Variants in SEC24B observed in about 807,000 individuals in gnomAD.
SEC24B encodes the protein SEC24 homolog B, COPII component.
Under a neutral mutation model 142.8 loss-of-function variants are expected in SEC24B, and 45 were observed. The ratio of observed to expected loss-of-function variants is 0.32; its 90% CI spans 0.25 to 0.40. The LOEUF is 0.40. Ranked by LOEUF, SEC24B falls within the 10% of genes least tolerant of loss-of-function variation. The pLI is 1.00. For missense variants in SEC24B, 1,409 were observed against 1,526.8 expected (o/e 0.92, Z 1.29); for synonymous variants, 574 against 568.2 (o/e 1.01, Z -0.15).
At chr4:109,479,382 G>A (rs1194311082) in intron 3 of SEC24B, among the ~76,000 whole-genome samples, 1 of 152,130 alleles carries the variant, frequency 6.6e-6, no homozygotes, top group Non-Finnish European at 1.5e-5. Flanking sequence ...TCTGGGAAAG[G>A]ATGTCATATT....
intron 1 of SEC24B, among the ~76,000 whole-genome samples, chr4:109,448,493 A>G (rs879780119): frequency 2.6e-5 from 4 of 152,032 alleles, no homozygotes; most frequent in Admixed American, 2.6e-4. Context: ...TCCTCTAACA[A>G]TAACTTATGA....
chr4:109,533,797 T>C, intron 22 of SEC24B, 112 bp downstream of exon 22: 2 of 750,294 alleles, frequency 2.7e-6, no homozygotes, highest in Non-Finnish European at 4.6e-6. Context: ...ATTTTTGGTA[T>C]TACACAGTGT....
rs1723587197 is a variant in SEC24B, at chr4:109,521,291, C to T, written c.2301+119C>T. The T allele has an allele frequency of 1.4e-5, 13 of 957,986 alleles. No homozygotes were observed. In the Admixed American group the frequency reaches 2.6e-4, roughly 19 times the overall value. The allele number at this position is 957,986 out of a possible 1,614,324, so 59.3% of individuals were successfully genotyped here. On this transcript the variant is annotated intron_variant, in intron 13 of 23. Transcript: ENST00000265175. ...TACAAATAATAGACAATATAAATGG[C>T]ATATCTATTGACTCCTCAGTTTCCA...
chr4:109,448,217 A>G (rs537723201), intron 1 of SEC24B, among the ~76,000 whole-genome samples: 1 of 152,262 alleles, frequency 6.6e-6, no homozygotes, highest in South Asian at 2.1e-4. Flanking sequence ...GGATATGGAC[A>G]TATGTTTTAT....
intron 1 of SEC24B, among the ~76,000 whole-genome samples, chr4:109,458,761 G>A (rs1730960163): frequency 6.6e-6 from 1 of 151,428 alleles, no homozygotes; most frequent in Admixed American, 6.6e-5. Context: ...AAAATACTGG[G>A]TGGATATACA....
chr4:109,494,950 CTT>C, intron 6 of SEC24B, 94 bp downstream of exon 6: 1 of 1,463,004 alleles, frequency 6.8e-7, no homozygotes, highest in Non-Finnish European at 9.4e-7. Flanking sequence ...CCAAGTGGAA[CTT>C]AGGTACAAAT....
At chr4:109,490,142 A>G (rs1157699141) in intron 4 of SEC24B, among the ~76,000 whole-genome samples, 1 of 152,130 alleles carries the variant, frequency 6.6e-6, no homozygotes, top group African/African-American at 2.4e-5. Flanking sequence ...GAAGAGTTAT[A>G]TAGCAAGTTA....
intron 6 of SEC24B, among the ~76,000 whole-genome samples, chr4:109,502,709 A>G (rs902498365): frequency 7.2e-5 from 11 of 152,220 alleles, no homozygotes; most frequent in African/African-American, 2.7e-4. Flanking sequence ...GATGTCAAAC[A>G]GTATTTGATC....
At chr4:109,450,581 C>T (rs1047602289) in intron 1 of SEC24B, among the ~76,000 whole-genome samples, 3 of 151,058 alleles carry the variant, frequency 2.0e-5, no homozygotes, top group Non-Finnish European at 4.4e-5. Context: ...TTGCTTGAAC[C>T]CAGGGGGTGG....
chr4:109,462,757 C>T (rs987995192), intron 1 of SEC24B, 144 bp from the exon 2 acceptor site: 11 of 671,244 alleles, frequency 1.6e-5, no homozygotes, highest in Non-Finnish European at 2.7e-5. Context: ...GGCAGGCTAC[C>T]ATAATGGGTC....
chr4:109,499,032 C>A (rs1447044211), intron 6 of SEC24B, among the ~76,000 whole-genome samples: 1 of 151,876 alleles, frequency 6.6e-6, no homozygotes, highest in Non-Finnish European at 1.5e-5. Context: ...TTAGTGAGAT[C>A]AATTAGAGAA....
intron 22 of SEC24B, among the ~76,000 whole-genome samples, chr4:109,537,329 G>A (rs1725670273): frequency 6.6e-6 from 1 of 152,154 alleles, no homozygotes; most frequent in Non-Finnish European, 1.5e-5. Context: ...CCTTTTTAGA[G>A]GGCCATTTGA....
intron 4 of SEC24B, among the ~76,000 whole-genome samples, chr4:109,482,991 C>T (rs868100679): frequency 1.0e-4 from 8 of 78,800 alleles, no homozygotes; most frequent in African/African-American, 3.1e-4. Context: ...CACACACACA[C>T]ACACACACAC....
Position 109,463,100 on chromosome 4 carries a change from A to G in SEC24B, c.333A>G (p.Pro111=). ...NVTPNTVNQQ[P]GAQQLYSRGP... ...CTCCTAACACAGTGAACCAGCAACC[A>G]GGAGCACAGCAGTTGTACAGCAGGG... Residue 111 remains proline, a synonymous_variant, in exon 2 of 24, where the codon CCA becomes CCG. Transcript: ENST00000265175. 6.2e-7 allele frequency: 1 copy of G among 1,614,210 alleles called. No individual in the cohort carries two copies. The highest frequency in any genetic ancestry group is 8.5e-7 in the Non-Finnish European group (1 of 1,180,026).
In SEC24B at chr4:109,463,056, G is replaced by A. The variant is rs768979849; in HGVS notation, c.289G>A (p.Val97Ile). 1 of 1,613,950 alleles carries A rather than the reference G, an allele frequency of 6.2e-7. No individual in the cohort carries two copies. The highest frequency in any genetic ancestry group is 1.3e-5 in the African/African-American group (1 of 74,890). The change falls in exon 2 of 24, where the codon GTA becomes ATA. Residue 97 changes from valine (V) to isoleucine (I), a missense_variant. By Grantham distance (29) the Val-to-Ile change is conservative. Coordinates refer to ENST00000265175, the MANE Select transcript of SEC24B (RefSeq NM_006323.5). ...TGATTACTACTCTGCTCTCTATACA[G>A]TACCAACACAAAATGTGACTCCTAA... ...CGDYYSALYT[V>I]PTQNVTPNTV...
intron 3 of SEC24B, 96 bp downstream of exon 3, chr4:109,473,282 C>T (rs1732728888): frequency 2.6e-6 from 2 of 774,196 alleles, no homozygotes. Flanking sequence ...AATCCAAACA[C>T]AACTTTTGGA....
chr4:109,519,584 C>T (rs1468782393), intron 11 of SEC24B, among the ~76,000 whole-genome samples: 1 of 152,178 alleles, frequency 6.6e-6, no homozygotes, highest in Non-Finnish European at 1.5e-5. Flanking sequence ...GACCCCACTC[C>T]TCAGTGATCT....
rs749887196 is a variant in SEC24B, at chr4:109,538,505, G to A, written c.3601G>A (p.Glu1201Lys). 6.2e-7 allele frequency: 1 copy of A among 1,611,340 alleles called. No homozygotes were observed. Reference sequence around the variant, plus strand: ...TTTCTTTTACCAGACACATCTTCCAGAGCTAGATACACTTTCATCAGAAAG... The same window carrying A: ...TTTCTTTTACCAGACACATCTTCCAAAGCTAGATACACTTTCATCAGAAAG... Reference protein sequence around the residue: ...SIPQKMTHLPELDTLSSERAR... With the variant: ...SIPQKMTHLPKLDTLSSERAR... Residue 1201 changes from glutamate to lysine, a missense_variant, in exon 23 of 24, where the codon GAG (glutamate) becomes AAG (lysine). Glu to Lys is a moderately conservative substitution (Grantham distance 56). Coordinates refer to ENST00000265175, the MANE Select transcript of SEC24B (RefSeq NM_006323.5).
chr4:109,443,119 A>G (rs943137067), intron 1 of SEC24B, among the ~76,000 whole-genome samples: 1 of 152,068 alleles, frequency 6.6e-6, no homozygotes, highest in African/African-American at 2.4e-5. Flanking sequence ...AATTCTCAGT[A>G]TCCTGTCTCT....
Sources: gnomAD v4.1 joint callset for allele counts (sites outside exome capture counted in the v4.1 genomes callset) on GRCh38, gnomAD v4.1.1 for gene constraint, MANE v1.5 for transcripts, NCBI Gene and HGNC (gene_info 2026-07-23, HGNC 2026-07-21) for gene names.